Variants in MACROH2A1 observed in about 807,000 individuals in gnomAD.
MACROH2A1 encodes core histone macro-H2A.1.
Under a neutral mutation model 31.6 loss-of-function variants are expected in MACROH2A1, and 2 were observed. The observed-to-expected ratio is 0.06, with a 90% CI of 0.03 to 0.20. The LOEUF (loss-of-function observed/expected upper bound fraction) is 0.20. Ranked by LOEUF, MACROH2A1 falls within the 10% of genes least tolerant of loss-of-function variation. The probability of loss-of-function intolerance (pLI) is 1.00; values close to 1 mark genes in which losing one functional copy is unlikely to be tolerated. For synonymous variants in MACROH2A1, 169 were observed against 189.6 expected (o/e 0.89, Z 0.89); for missense variants, 230 against 474.0 (o/e 0.49, Z 4.78).
intron 5 of MACROH2A1, chr5:135,357,933 C>G (rs1762372875): frequency 8.1e-6 from 8 of 985,240 alleles, no homozygotes; most frequent in Non-Finnish European, 9.6e-6. Context: ...CACAATATCA[C>G]CTTTCTCCAC....
chr5:135,377,664 C>T (rs1047662770), intron 2 of MACROH2A1, among the ~76,000 whole-genome samples: 1 of 152,222 alleles, frequency 6.6e-6, no homozygotes, highest in African/African-American at 2.4e-5. Flanking sequence ...ACGTTTTGCT[C>T]TACTCCCTTT....
intron 2 of MACROH2A1, among the ~76,000 whole-genome samples, chr5:135,371,951 T>C (rs1581265018): frequency 6.6e-6 from 1 of 152,162 alleles, no homozygotes; most frequent in Non-Finnish European, 1.5e-5. Context: ...TAAGAGGTAC[T>C]AACAGCTCCA....
chr5:135,382,765 C>G (rs894367524), intron 2 of MACROH2A1, among the ~76,000 whole-genome samples: 1 of 152,224 alleles, frequency 6.6e-6, no homozygotes, highest in Non-Finnish European at 1.5e-5. Flanking sequence ...TTTCCCCTCT[C>G]AGATCCAAGT....
chr5:135,397,041 G>A (rs1384467815), intron 1 of MACROH2A1, among the ~76,000 whole-genome samples: 2 of 151,878 alleles, frequency 1.3e-5, no homozygotes, highest in African/African-American at 4.9e-5. Context: ...TGAAAAGGCT[G>A]TCACAAATCC....
intron 8 of MACROH2A1, chr5:135,337,815 G>T (rs1759041641): frequency 8.8e-6 from 3 of 340,768 alleles, no homozygotes; most frequent in Non-Finnish European, 1.3e-5. Context: ...AGAGCAGACG[G>T]TTCCACCGGA....
chr5:135,375,219 G>C (rs1764697677), intron 2 of MACROH2A1, among the ~76,000 whole-genome samples: 1 of 152,220 alleles, frequency 6.6e-6, no homozygotes, highest in Non-Finnish European at 1.5e-5. Flanking sequence ...ATCATCTGTA[G>C]TGGCCTAGAT....
At chr5:135,335,632 A>C (rs1554085416) in intron 8 of MACROH2A1, among the ~76,000 whole-genome samples, 1 of 152,108 alleles carries the variant, frequency 6.6e-6, no homozygotes, top group Non-Finnish European at 1.5e-5. Context: ...TCCACCCTCT[A>C]ACACACACCA....
chr5:135,354,530 A>C (rs1761945297), intron 5 of MACROH2A1: 1 of 155,906 alleles, frequency 6.4e-6, no homozygotes, highest in Non-Finnish European at 1.4e-5. Flanking sequence ...TGCTCCTCGC[A>C]CTATAGAGTG....
intron 4 of MACROH2A1, among the ~76,000 whole-genome samples, chr5:135,363,251 C>T (rs1012645426): frequency 3.9e-5 from 6 of 152,054 alleles, no homozygotes; most frequent in South Asian, 2.1e-4. Context: ...CCTGATTAAA[C>T]GACTGGCCTT....
chr5:135,341,536 A>G (rs1020731135), intron 8 of MACROH2A1, among the ~76,000 whole-genome samples: 1 of 152,242 alleles, frequency 6.6e-6, no homozygotes, highest in East Asian at 1.9e-4. Flanking sequence ...GGGTCCTGCC[A>G]GTCACACATG....
chr5:135,339,397 C>T lies in MACROH2A1; in HGVS notation c.953+3863G>A, dbSNP rs114392234. On this transcript the variant is annotated intron_variant, in intron 8 of 8. Coordinates refer to ENST00000511689, the MANE Select transcript of MACROH2A1 (RefSeq NM_138610.3). ...TCAGCCCTCTCCTTGAGTGGGACTTCACTAAGCACCCCTGCTCTCAGTGAG... is the reference window on the plus strand; with the variant it reads ...TCAGCCCTCTCCTTGAGTGGGACTTTACTAAGCACCCCTGCTCTCAGTGAG... 1.8e-3 allele frequency among the ~76,000 whole-genome samples: 273 copies of T among 152,312 alleles called. 1 individual carries two copies. The highest frequency in any genetic ancestry group is 6.3e-3 in the African/African-American group (260 of 41,572).
chr5:135,338,135 C>A (rs1389687618), intron 8 of MACROH2A1: 1 of 359,198 alleles, frequency 2.8e-6, no homozygotes, highest in Non-Finnish European at 4.0e-6. Context: ...CACAGCCCTG[C>A]AGCCTCCAGA....
intron 6 of MACROH2A1, chr5:135,346,620 T>C (rs1760877131): frequency 6.6e-6 from 1 of 152,440 alleles, no homozygotes; most frequent in Non-Finnish European, 1.5e-5. Context: ...TGGTGTCATA[T>C]GCAAATACAA....
intron 8 of MACROH2A1, among the ~76,000 whole-genome samples, chr5:135,336,376 A>G (rs965170777): frequency 6.6e-6 from 1 of 152,110 alleles, no homozygotes; most frequent in Non-Finnish European, 1.5e-5. Context: ...GCTGGTGGAG[A>G]CTTAGGAGCT....
chr5:135,335,020 T>C lies in MACROH2A1; in HGVS notation c.1075A>G (p.Ile359Val), dbSNP rs1186775109. 3 of 1,614,030 alleles carry C rather than the reference T, an allele frequency of 1.9e-6. No homozygotes were observed. The highest frequency in any genetic ancestry group is 2.7e-5 in the African/African-American group (2 of 74,926). Residue 359 changes from isoleucine to valine, a missense_variant, in exon 9 of 9, where the codon ATA (isoleucine) becomes GTA (valine). By Grantham distance (29) the Ile-to-Val change is conservative. Around this residue, in one of 2 missense-constraint regions of MACROH2A1, gnomAD observed 183 missense variants for 319.3 expected, o/e 0.57. Coordinates refer to ENST00000511689, the MANE Select transcript of MACROH2A1 (RefSeq NM_138610.3). Reference sequence around the variant, plus strand: ...GCCATTTCCTGCACATAGATGCCTATACTCTCGCTGTCAAAAAGCACGAAG... The same window carrying C: ...GCCATTTCCTGCACATAGATGCCTACACTCTCGCTGTCAAAAAGCACGAAG... The part of the protein sequence containing the change: ...VYFVLFDSES[I>V]GIYVQEMAKL...
intron 1 of MACROH2A1, among the ~76,000 whole-genome samples, chr5:135,393,848 C>T (rs889282150): frequency 6.6e-6 from 1 of 152,172 alleles, no homozygotes; most frequent in South Asian, 2.1e-4. Context: ...TTATAAATCA[C>T]AATAAACATT....
intron 8 of MACROH2A1, among the ~76,000 whole-genome samples, chr5:135,342,377 C>G (rs1344757019): frequency 2.0e-5 from 3 of 152,188 alleles, no homozygotes; most frequent in African/African-American, 4.8e-5. Context: ...GGTTAGTGGC[C>G]AAGCCAGGAT....
chr5:135,371,318 AT>A (rs369109017), intron 2 of MACROH2A1, among the ~76,000 whole-genome samples: 9 of 152,372 alleles, frequency 5.9e-5, no homozygotes, highest in African/African-American at 2.2e-4. Context: ...ATATTTAAAA[AT>A]TGCTAAAATA....
At chr5:135,358,312 G>A in intron 5 of MACROH2A1, 1 of 985,382 alleles carries the variant, frequency 1.0e-6, no homozygotes, top group Non-Finnish European at 1.2e-6. Flanking sequence ...TCTAACACTG[G>A]TGCTTAGGCT....
Sources: allele counts gnomAD v4.1 joint callset (sites outside exome capture counted in the v4.1 genomes callset), GRCh38; gene constraint gnomAD v4.1.1; regional missense constraint gnomAD v4.1.1; transcripts MANE v1.5; gene names NCBI Gene and HGNC (gene_info 2026-07-23, HGNC 2026-07-21).